The following SLC10A7 variants were observed in gnomAD, a reference collection of about 807,000 sequenced individuals.
SLC10A7 encodes the protein sodium/bile acid cotransporter 7.
A neutral mutation model predicts 43.2 loss-of-function variants in SLC10A7; 29 were observed. That is an observed-to-expected ratio of 0.67 (90% CI 0.50 to 0.92). The LOEUF is 0.92. Ranked by LOEUF, SLC10A7 falls within the 40% of genes least tolerant of loss-of-function variation. The pLI is 0.00. For missense variants in SLC10A7, 295 were observed against 403.2 expected, an observed-to-expected ratio of 0.73 and a Z score of 2.30; for synonymous variants, 152 against 144.8, an observed-to-expected ratio of 1.05 and a Z score of -0.35.
At chr4:146,259,517 C>T (rs1728090587) in intron 10 of SLC10A7, among the ~76,000 whole-genome samples, 1 of 152,188 alleles carries the variant, frequency 6.6e-6, no homozygotes, top group Non-Finnish European at 1.5e-5. Flanking sequence ...AGAAGAATCG[C>T]TTGAACCTGG....
At chr4:146,260,318 GT>G (rs1357805183) in intron 10 of SLC10A7, among the ~76,000 whole-genome samples, 2 of 152,154 alleles carry the variant, frequency 1.3e-5, no homozygotes, top group Non-Finnish European at 2.9e-5. Context: ...TCCAAGAAAC[GT>G]TATTCATTCC....
rs1259003093 is a variant in SLC10A7, at chr4:146,326,198, C to G, written c.436-202G>C. 2.6e-5 allele frequency among the ~76,000 whole-genome samples: 4 copies of G among 152,170 alleles called. No homozygotes were observed. In the East Asian group the frequency reaches 7.7e-4, roughly 29 times the overall value. On this transcript the variant is annotated intron_variant, in intron 5 of 11. Coordinates refer to ENST00000335472, the MANE Select transcript of SLC10A7 (RefSeq NM_001029998.6). ...TATTACAATTATTTGTATTTGGCAG[C>G]CTGAAAGCACAACCACCAATCTGCC... is the stretch of plus-strand genomic sequence containing the variant.
intron 5 of SLC10A7, among the ~76,000 whole-genome samples, chr4:146,367,539 C>A (rs1201682351): frequency 6.6e-6 from 1 of 152,114 alleles, no homozygotes; most frequent in Admixed American, 6.5e-5. Flanking sequence ...CAGTCCTTTT[C>A]AATGGAGACA....
At chr4:146,369,639 G>A (rs1365286267) in intron 5 of SLC10A7, among the ~76,000 whole-genome samples, 1 of 152,064 alleles carries the variant, frequency 6.6e-6, no homozygotes. Context: ...TACTCCTAAG[G>A]CCTGATTACT....
chr4:146,395,104 T>A (rs1251728517), intron 5 of SLC10A7, among the ~76,000 whole-genome samples: 1 of 152,140 alleles, frequency 6.6e-6, no homozygotes, highest in Admixed American at 6.6e-5. Context: ...CACAGTAGCT[T>A]ATGCCTATAA....
intron 5 of SLC10A7, among the ~76,000 whole-genome samples, chr4:146,348,684 T>A (rs58672301): frequency 3.6e-4 from 55 of 152,306 alleles, no homozygotes; most frequent in African/African-American, 1.2e-3. Flanking sequence ...TATGTAAATT[T>A]TCCTGAACCA....
chr4:146,266,290 T>C (rs1345982189), intron 10 of SLC10A7, among the ~76,000 whole-genome samples: 1 of 152,176 alleles, frequency 6.6e-6, no homozygotes, highest in African/African-American at 2.4e-5. Context: ...TTAAAATTCA[T>C]TGGTATAGAT....
chr4:146,441,327 T>C (rs979216136), intron 5 of SLC10A7, among the ~76,000 whole-genome samples: 9 of 152,208 alleles, frequency 5.9e-5, no homozygotes, highest in Non-Finnish European at 7.3e-5. Flanking sequence ...AAAAATATGA[T>C]ACATTCATAT....
rs138381766 is a variant in SLC10A7 at position 146,420,150 on chromosome 4, T to A, written c.435+22633A>T. Among the ~76,000 whole-genome samples, 398 of 152,304 alleles carry A rather than the reference T, an allele frequency of 2.6e-3. 1 individual carries two copies. The highest frequency in any genetic ancestry group is 9.3e-3 in the African/African-American group (387 of 41,576). ...TTGAACTAAAAGACTGTCTATTCAC[T>A]TAACACCCATGTGTTCTTCATTCAT... is the stretch of plus-strand genomic sequence containing the variant. On this transcript the variant is annotated intron_variant, in intron 5 of 11. Transcript: ENST00000335472.
At chr4:146,422,191 G>A (rs1057512213) in intron 5 of SLC10A7, among the ~76,000 whole-genome samples, 3 of 152,052 alleles carry the variant, frequency 2.0e-5, no homozygotes, top group South Asian at 2.1e-4. Context: ...GAAATAAAAC[G>A]CTCTAGGAAA....
chr4:146,324,162 C>G (rs990858977), intron 6 of SLC10A7, among the ~76,000 whole-genome samples: 1 of 151,944 alleles, frequency 6.6e-6, no homozygotes, highest in Non-Finnish European at 1.5e-5. Context: ...CACTGCTCAA[C>G]GAAATAAAAG....
intron 9 of SLC10A7, among the ~76,000 whole-genome samples, chr4:146,289,719 T>TG (rs1730280906): frequency 7.2e-6 from 1 of 138,878 alleles, no homozygotes; most frequent in African/African-American, 2.7e-5. Flanking sequence ...TTTTTTTTTT[T>TG]TTTTTTTTTT....
chr4:146,336,625 C>T (rs1402900647), intron 5 of SLC10A7, among the ~76,000 whole-genome samples: 1 of 151,986 alleles, frequency 6.6e-6, no homozygotes, highest in Non-Finnish European at 1.5e-5. Flanking sequence ...TTGTCTGGGC[C>T]AGCAGATAGT....
At chr4:146,353,058 G>C (rs549190301) in intron 5 of SLC10A7, among the ~76,000 whole-genome samples, 63 of 151,754 alleles carry the variant, frequency 4.2e-4, no homozygotes, top group African/African-American at 1.5e-3. Flanking sequence ...GAAGGAAATA[G>C]AGAAACAAAA....
At chr4:146,309,905 A>T (rs1731843244) in intron 6 of SLC10A7, among the ~76,000 whole-genome samples, 1 of 152,044 alleles carries the variant, frequency 6.6e-6, no homozygotes, top group South Asian at 2.1e-4. Context: ...TGGGATATGG[A>T]TTATCCCATC....
intron 9 of SLC10A7, among the ~76,000 whole-genome samples, chr4:146,290,539 G>T (rs923944997): frequency 5.3e-5 from 8 of 152,004 alleles, no homozygotes; most frequent in Non-Finnish European, 1.0e-4. Flanking sequence ...AGAAAGTGCT[G>T]GTTTGACTGT....
At chr4:146,447,498 A>C (rs1346982321) in intron 4 of SLC10A7, among the ~76,000 whole-genome samples, 1 of 152,174 alleles carries the variant, frequency 6.6e-6, no homozygotes, top group Non-Finnish European at 1.5e-5. Flanking sequence ...GCTCCATTAC[A>C]ACAAGAATTT....
intron 2 of SLC10A7, chr4:146,514,734 G>A (rs781617602): frequency 4.7e-5 from 8 of 170,394 alleles, no homozygotes; most frequent in South Asian, 1.9e-4. Flanking sequence ...CATATAAATC[G>A]TAATCCCCAC....
At chr4:146,391,917 T>C (rs944843239) in intron 5 of SLC10A7, among the ~76,000 whole-genome samples, 1 of 152,216 alleles carries the variant, frequency 6.6e-6, no homozygotes, top group Non-Finnish European at 1.5e-5. Context: ...ACTGTGGTTA[T>C]TTGAGGAACT....
Sources: allele counts gnomAD v4.1 joint callset (sites outside exome capture counted in the v4.1 genomes callset), GRCh38; gene constraint gnomAD v4.1.1; transcripts MANE v1.5; gene names NCBI Gene and HGNC (gene_info 2026-07-23, HGNC 2026-07-21).